FURIN: variants seen among roughly 807,000 people sequenced by gnomAD.
FURIN encodes the protein furin, paired basic amino acid cleaving enzyme, also known as FES upstream region.
Under a neutral mutation model 89.2 loss-of-function variants are expected in FURIN, and 18 were observed. That is an observed-to-expected ratio of 0.20 (90% CI 0.14 to 0.30). The LOEUF (loss-of-function observed/expected upper bound fraction) is 0.30. FURIN is among the 10% of genes least tolerant of loss of function. The probability of loss-of-function intolerance (pLI) is 1.00; values close to 1 mark genes in which losing one functional copy is unlikely to be tolerated. For missense variants in FURIN, 879 were observed against 1,100.5 expected, an observed-to-expected ratio of 0.80 and a Z score of 2.85; for synonymous variants, 508 against 466.4, an observed-to-expected ratio of 1.09 and a Z score of -1.15.
chr15:90,880,155 C>T lies in FURIN; in HGVS notation c.1438C>T (p.His480Tyr). The change falls in exon 13 of 16, where the codon CAC (histidine) becomes TAC (tyrosine). Residue 480 changes from histidine to tyrosine, a missense_variant. His to Tyr is a moderately conservative substitution (Grantham distance 83). Around this residue, in one of 5 missense-constraint regions of FURIN, gnomAD observed 457 missense variants for 490.7 expected, o/e 0.93. Coordinates refer to ENST00000268171, the MANE Select transcript of FURIN (RefSeq NM_002569.4). ...GACCGCGTGCCTGGGCGAGCCCAAC[C>T]ACATCACTCGGCTGGAGCACGCTCA... Reference protein sequence around the residue: ...TVTACLGEPNHITRLEHAQAR... With the variant: ...TVTACLGEPNYITRLEHAQAR... The T allele has an allele frequency of 1.2e-6, 2 of 1,612,516 alleles. No homozygotes were observed. The highest frequency in any genetic ancestry group is 1.7e-6 in the Non-Finnish European group (2 of 1,179,534).
intron 6 of FURIN, 86 bp from the exon 7 acceptor site, chr15:90,877,441 C>T (rs779562553): frequency 1.7e-5 from 19 of 1,087,790 alleles, no homozygotes; most frequent in South Asian, 3.0e-5. Context: ...GTCGGATGTG[C>T]GGATCCCTCG....
At chr15:90,871,761 C>T (rs2031316910) in intron 1 of FURIN, among the ~76,000 whole-genome samples, 1 of 148,920 alleles carries the variant, frequency 6.7e-6, no homozygotes. Context: ...GGGGCACTGG[C>T]GCCGGTGCAG....
intron 9 of FURIN, 89 bp downstream of exon 9, chr15:90,879,065 C>T: frequency 2.4e-6 from 2 of 818,524 alleles, no homozygotes; most frequent in South Asian, 3.3e-5. Context: ...TCTGCCTCCA[C>T]CCCCATGTGG....
At position 90,876,125 on chromosome 15, in the gene FURIN, G is replaced by A. The variant is rs912765658; in HGVS notation, c.178-130G>A. ...TGGTCCCCGCATTTTGCTGGGTCCC[G>A]GACAGGGAGCAGATGCCCCGCACCC... On this transcript the variant is annotated intron_variant, in intron 2 of 15. Coordinates refer to ENST00000268171, the MANE Select transcript of FURIN (RefSeq NM_002569.4). The surrounding 1 kb of genome is among the most constrained non-coding windows in gnomAD (Gnocchi z 5.0). The A allele has an allele frequency of 5.0e-5, 40 of 801,304 alleles. No homozygotes were observed. Among genetic ancestry groups the A allele is most frequent in the Middle Eastern group, 3.5e-4 (1 of 2,856 alleles). The allele number at this position is 801,304 out of a possible 1,614,324, so 49.6% of individuals were successfully genotyped here.
rs375567053 is a variant in FURIN, at chr15:90,877,229, C to T, written c.578+18C>T. 2.6e-5 allele frequency: 41 copies of T among 1,561,742 alleles called. No homozygotes were observed. Among genetic ancestry groups the T allele is most frequent in the Admixed American group, 1.3e-4 (7 of 55,918 alleles). ...GACAACAGGTAAGAAGTGGCAGGCC[C>T]CGGTCTCTGCCTCCCTTCTCCTTTC... On this transcript the variant is annotated intron_variant, in intron 6 of 15. Transcript: ENST00000268171.
rs1567084416 is a variant in FURIN, at chr15:90,879,779, G to T, written c.1258+5G>T. 6.2e-7 allele frequency: 1 copy of T among 1,612,958 alleles called. No homozygotes were observed. Among genetic ancestry groups the T allele is most frequent in the South Asian group, 1.1e-5 (1 of 91,070 alleles). On this transcript the variant is annotated splice_donor_5th_base_variant and intron_variant, in intron 11 of 15. Transcript: ENST00000268171. ...CCAATGGTGTGGGCCGGAAAGGTGA[G>T]GGCAGGCTGGCCCGGCAGGCTGGAT...
Position 90,879,459 on chromosome 15 carries a change from C to A in FURIN, c.1069C>A (p.Arg357=), listed in dbSNP as rs778638116. ...NEKQIVTTDL[R]QKCTESHTGT... ...TTCCTGGCAGGTGACGACTGACTTGCGGCAGAAGTGCACGGAGTCTCACAC... is the reference window on the plus strand; with the variant it reads ...TTCCTGGCAGGTGACGACTGACTTGAGGCAGAAGTGCACGGAGTCTCACAC... Residue 357 remains arginine, a synonymous_variant, in exon 10 of 16, where the codon CGG becomes AGG. Coordinates refer to ENST00000268171, the MANE Select transcript of FURIN (RefSeq NM_002569.4). 3.7e-6 allele frequency: 6 copies of A among 1,612,036 alleles called. 1 individual carries two copies. The South Asian group carries it at 6.6e-5, about 18-fold the overall frequency.
At chr15:90,880,538 G>C (rs1380581145) in intron 13 of FURIN, among the ~76,000 whole-genome samples, 153 bp from the exon 14 acceptor site, 1 of 152,158 alleles carries the variant, frequency 6.6e-6, no homozygotes, top group Non-Finnish European at 1.5e-5. Flanking sequence ...AGCACGTCTG[G>C]CTCACTGAGA....
chr15:90,873,807 G>A (rs1444460973), intron 1 of FURIN, among the ~76,000 whole-genome samples: 1 of 152,190 alleles, frequency 6.6e-6, no homozygotes, highest in Non-Finnish European at 1.5e-5. Flanking sequence ...CTGTATTGTA[G>A]ATGTCTCCTG....
chr15:90,876,388 C>G lies in FURIN; in HGVS notation c.276+35C>G. On this transcript the variant is annotated intron_variant, in intron 3 of 15. Coordinates refer to ENST00000268171, the MANE Select transcript of FURIN (RefSeq NM_002569.4). The surrounding 1 kb of genome is among the most constrained non-coding windows in gnomAD (Gnocchi z 5.0). ...GCCCCAGCCCCCTCCTGCTGCCACCCTCCCCCTCCTGCTCTCAGGAGCCCC... is the reference window on the plus strand; with the variant it reads ...GCCCCAGCCCCCTCCTGCTGCCACCGTCCCCCTCCTGCTCTCAGGAGCCCC... The G allele has an allele frequency of 1.2e-5, 18 of 1,524,348 alleles. No homozygotes were observed. The highest frequency in any genetic ancestry group is 1.5e-5 in the Non-Finnish European group (17 of 1,098,512). 94.4% of individuals were successfully genotyped at this position (1,524,348 alleles called of 1,614,324 possible).
chr15:90,877,310 A>G (rs1238810449), intron 6 of FURIN, 99 bp downstream of exon 6: 1 of 1,131,290 alleles, frequency 8.8e-7, no homozygotes, highest in Admixed American at 2.6e-5. Context: ...TAAAAGGCTG[A>G]GGCTTTTCCC....
chr15:90,871,937 G>A (rs2031329483), intron 1 of FURIN, among the ~76,000 whole-genome samples: 1 of 151,356 alleles, frequency 6.6e-6, no homozygotes, highest in African/African-American at 2.4e-5. Context: ...ACTTTTCCGC[G>A]TGGGGCCAGG....
chr15:90,872,718 G>A (rs1307318645), intron 1 of FURIN, among the ~76,000 whole-genome samples: 3 of 152,210 alleles, frequency 2.0e-5, no homozygotes, highest in African/African-American at 7.2e-5. Flanking sequence ...AGCAAATAGT[G>A]GGCAGGGACT....
At chr15:90,874,288 A>T (rs1450326742) in intron 1 of FURIN, among the ~76,000 whole-genome samples, 1 of 152,184 alleles carries the variant, frequency 6.6e-6, no homozygotes, top group East Asian at 1.9e-4. Context: ...ATTCAGTCTC[A>T]CCTTGGCGCT....
In FURIN at chr15:90,880,162, C is replaced by G. The variant is rs1310717563; in HGVS notation, c.1445C>G (p.Thr482Ser). The G allele has an allele frequency of 4.3e-6, 7 of 1,612,442 alleles. No homozygotes were observed. Among genetic ancestry groups the G allele is most frequent in the African/African-American group, 1.3e-5 (1 of 74,944 alleles). ...TACLGEPNHI[T>S]RLEHAQARLT... Reference sequence around the variant, plus strand: ...TGCCTGGGCGAGCCCAACCACATCACTCGGCTGGAGCACGCTCAGGCGCGG... The same window carrying G: ...TGCCTGGGCGAGCCCAACCACATCAGTCGGCTGGAGCACGCTCAGGCGCGG... The change falls in exon 13 of 16, where the codon ACT becomes AGT. Residue 482 changes from threonine to serine, a missense_variant. Coordinates refer to ENST00000268171, the MANE Select transcript of FURIN (RefSeq NM_002569.4).
In FURIN at chr15:90,879,907, C is replaced by T; in HGVS notation, c.1299C>T (p.Ala433=). 6.2e-7 allele frequency: 1 copy of T among 1,613,484 alleles called. No individual in the cohort carries two copies. The highest frequency in any genetic ancestry group is 8.5e-7 in the Non-Finnish European group (1 of 1,180,026). The change falls in exon 12 of 16, where the codon GCC becomes GCT. Residue 433 remains alanine, a synonymous_variant. Transcript: ENST00000268171. ...GCTACGGGCTTTTGGACGCAGGCGC[C>T]ATGGTGGCCCTGGCCCAGAATTGGA... ...SYGYGLLDAG[A]MVALAQNWTT...
chr15:90,870,123 G>T (rs942583397), intron 1 of FURIN, among the ~76,000 whole-genome samples: 2 of 152,222 alleles, frequency 1.3e-5, no homozygotes, highest in African/African-American at 4.8e-5. Context: ...AAAGGTGCCC[G>T]AATCGTACCT....
chr15:90,870,838 T>A (rs956631386), intron 1 of FURIN, among the ~76,000 whole-genome samples: 4 of 152,212 alleles, frequency 2.6e-5, no homozygotes, highest in African/African-American at 9.6e-5. Context: ...AGTTTCCTTA[T>A]CTGTAAAATG....
rs1181874751 is a variant in FURIN, at chr15:90,878,319, T to C, written c.840+15T>C. 3 of 1,562,182 alleles carry C rather than the reference T, an allele frequency of 1.9e-6. No homozygotes were observed. In the East Asian group the frequency reaches 6.8e-5, roughly 35 times the overall value. On this transcript the variant is annotated intron_variant, in intron 8 of 15. Coordinates refer to ENST00000268171, the MANE Select transcript of FURIN (RefSeq NM_002569.4). ...GGGTTAGCCAGGTGAGGTGGGGATC[T>C]GTCCAGCCCCTGCGGGCAGGTTGGG...
Sources: allele counts gnomAD v4.1 joint callset (sites outside exome capture counted in the v4.1 genomes callset), GRCh38; gene constraint gnomAD v4.1.1; regional missense constraint gnomAD v4.1.1; non-coding constraint Gnocchi (gnomAD v3.1); transcripts MANE v1.5; gene names NCBI Gene and HGNC (gene_info 2026-07-23, HGNC 2026-07-21).